Variants in IQCB1 observed in about 807,000 individuals in gnomAD.
IQCB1 encodes IQ motif containing B1, also known as IQ calmodulin-binding motif-containing protein 1.
Under a neutral mutation model 84.4 loss-of-function variants are expected in IQCB1, and 56 were observed. That is an observed-to-expected ratio of 0.66 (90% CI 0.54 to 0.83). The LOEUF (loss-of-function observed/expected upper bound fraction) is 0.83. Ranked by LOEUF, IQCB1 falls within the 40% of genes least tolerant of loss-of-function variation. The pLI is 0.00. For synonymous variants in IQCB1, 210 were observed against 234.8 expected, an observed-to-expected ratio of 0.89 and a Z score of 0.96; for missense variants, 629 against 682.1, an observed-to-expected ratio of 0.92 and a Z score of 0.87.
In IQCB1 at chr3:121,770,447, C is replaced by A; in HGVS notation, c.1695G>T (p.Trp565Cys). Residue 565 changes from tryptophan (W) to cysteine (C), a missense_variant, in exon 15 of 15, where the codon TGG becomes TGT. Trp to Cys is a radical substitution (Grantham distance 215, BLOSUM62 -2). Transcript: ENST00000310864. ...TTLKHIQAPW[W>C]KKLGEESGDE... ...CTCCAGATTCTTCTCCAAGCTTCTT[C>A]CACCAGGGTGCTTGTATGTGCTTCA... 6.2e-7 allele frequency: 1 copy of A among 1,614,226 alleles called. No individual in the cohort carries two copies. Among genetic ancestry groups the A allele is most frequent in the Non-Finnish European group, 8.5e-7 (1 of 1,180,016 alleles).
At chr3:121,781,662 C>CACA (rs1553709090) in intron 13 of IQCB1, 81 bp downstream of exon 13, 1 of 919,230 alleles carries the variant, frequency 1.1e-6, no homozygotes, top group Non-Finnish European at 1.6e-6. Context: ...CACACACACA[C>CACA]AATATATGTG....
At chr3:121,819,934 A>C (rs1950216859) in intron 5 of IQCB1, among the ~76,000 whole-genome samples, 1 of 152,140 alleles carries the variant, frequency 6.6e-6, no homozygotes, top group Non-Finnish European at 1.5e-5. Flanking sequence ...GAATATTTAT[A>C]CTTGGAGCAG....
At chr3:121,816,795 A>G (rs1375184757) in intron 5 of IQCB1, among the ~76,000 whole-genome samples, 1 of 152,200 alleles carries the variant, frequency 6.6e-6, no homozygotes, top group Non-Finnish European at 1.5e-5. Context: ...AGAAATAGGA[A>G]CGCTTTTACA....
rs553280647 is a variant in IQCB1 at position 121,791,092 on chromosome 3, A to C, written c.987-877T>G. Among the ~76,000 whole-genome samples, 3 of 152,324 alleles carry C rather than the reference A, an allele frequency of 2.0e-5. No individual in the cohort carries two copies. The East Asian group carries it at 5.8e-4, about 29-fold the overall frequency. ...GTAAATATACTCAAAATGCTTTCAG[A>C]CACCCACAGAAAAAGAAAACGAGGA... is the stretch of plus-strand genomic sequence containing the variant. On this transcript the variant is annotated intron_variant, in intron 10 of 14. Coordinates refer to ENST00000310864, the MANE Select transcript of IQCB1 (RefSeq NM_001023570.4).
At chr3:121,805,721 T>C (rs923149323) in intron 7 of IQCB1, among the ~76,000 whole-genome samples, 1 of 152,186 alleles carries the variant, frequency 6.6e-6, no homozygotes, top group African/African-American at 2.4e-5. Context: ...TGTGAGCTCC[T>C]TGCACTGTTC....
At chr3:121,785,878 A>G (rs1303417615) in intron 12 of IQCB1, among the ~76,000 whole-genome samples, 1 of 151,744 alleles carries the variant, frequency 6.6e-6, no homozygotes, top group African/African-American at 2.4e-5. Flanking sequence ...TTAGAAAAGG[A>G]TACTTTTAGG....
chr3:121,808,874 C>T (rs1949711966), intron 6 of IQCB1, 42 bp downstream of exon 6: 1 of 1,190,398 alleles, frequency 8.4e-7, no homozygotes, highest in South Asian at 1.2e-5. Context: ...TAGCAGTTGA[C>T]TCTACAATAG....
At chr3:121,818,184 C>T (rs1402958757) in intron 5 of IQCB1, among the ~76,000 whole-genome samples, 1 of 152,168 alleles carries the variant, frequency 6.6e-6, no homozygotes, top group Non-Finnish European at 1.5e-5. Flanking sequence ...TACATATAGC[C>T]AAGAACTCTT....
At chr3:121,831,286 C>T (rs1165386929) in intron 2 of IQCB1, among the ~76,000 whole-genome samples, 1 of 151,056 alleles carries the variant, frequency 6.6e-6, no homozygotes, top group Admixed American at 6.7e-5. Context: ...GATTCTCCCA[C>T]CTCAGCCTCC....
intron 5 of IQCB1, among the ~76,000 whole-genome samples, chr3:121,825,061 CT>C (rs1553721684): frequency 6.4e-3 from 537 of 83,712 alleles, no homozygotes; most frequent in African/African-American, 8.8e-3. Context: ...TTTTTCTTTT[CT>C]TTTTTTTTTT....
intron 7 of IQCB1, among the ~76,000 whole-genome samples, chr3:121,802,601 T>C (rs1949445440): frequency 6.6e-6 from 1 of 152,140 alleles, no homozygotes; most frequent in Admixed American, 6.6e-5. Context: ...AAAACTTCAA[T>C]CTTCCCAAAG....
chr3:121,790,662 A>G (rs1948929809), intron 10 of IQCB1, among the ~76,000 whole-genome samples: 1 of 152,228 alleles, frequency 6.6e-6, no homozygotes, highest in Non-Finnish European at 1.5e-5. Flanking sequence ...TGAAAACATA[A>G]AATGTTCGAA....
chr3:121,776,888 GAT>G (rs1948253310), intron 13 of IQCB1, among the ~76,000 whole-genome samples: 1 of 152,128 alleles, frequency 6.6e-6, no homozygotes, highest in Non-Finnish European at 1.5e-5. Context: ...CTATATTATG[GAT>G]ATAGGACCTT....
In IQCB1 at chr3:121,802,458, T is replaced by C. The variant is rs75390548; in HGVS notation, c.588-3084A>G. ...TATTATTCCCTTGTGATATTTTTAGTATTTGTAGACTCTGTTACGATGTTA... is the reference window on the plus strand; with the variant it reads ...TATTATTCCCTTGTGATATTTTTAGCATTTGTAGACTCTGTTACGATGTTA... On this transcript the variant is annotated intron_variant, in intron 7 of 14. Coordinates refer to ENST00000310864, the MANE Select transcript of IQCB1 (RefSeq NM_001023570.4). 1.6e-4 allele frequency among the ~76,000 whole-genome samples: 25 copies of C among 152,254 alleles called. No individual in the cohort carries two copies. The East Asian group carries it at 4.8e-3, about 29-fold the overall frequency.
chr3:121,814,141 G>A (rs1250662018), intron 5 of IQCB1, among the ~76,000 whole-genome samples: 1 of 152,120 alleles, frequency 6.6e-6, no homozygotes, highest in Admixed American at 6.6e-5. Flanking sequence ...ACAATTACAT[G>A]GAAACGGCAC....
At chr3:121,779,157 C>A (rs891741940) in intron 13 of IQCB1, among the ~76,000 whole-genome samples, 2 of 152,018 alleles carry the variant, frequency 1.3e-5, no homozygotes, top group African/African-American at 4.8e-5. Flanking sequence ...TATTCCTTGG[C>A]ACAGTTTTTT....
At chr3:121,804,630 C>T (rs2108584510) in intron 7 of IQCB1, among the ~76,000 whole-genome samples, 1 of 152,080 alleles carries the variant, frequency 6.6e-6, no homozygotes, top group African/African-American at 2.4e-5. Flanking sequence ...TCTCTGGTTG[C>T]TTTTAAGATT....
intron 4 of IQCB1, 67 bp from the exon 5 acceptor site, chr3:121,826,247 CTG>C: frequency 6.6e-7 from 1 of 1,507,680 alleles, no homozygotes; most frequent in Non-Finnish European, 9.2e-7. Flanking sequence ...TCTAGAGACA[CTG>C]TGCCTTATTG....
intron 2 of IQCB1, among the ~76,000 whole-genome samples, chr3:121,831,421 T>C (rs915667545): frequency 5.9e-5 from 9 of 152,094 alleles, no homozygotes; most frequent in African/African-American, 1.4e-4. Context: ...CTGGAAAACA[T>C]GTTTCCCTCA....
Sources: gnomAD v4.1 joint callset for allele counts (sites outside exome capture counted in the v4.1 genomes callset) on GRCh38, gnomAD v4.1.1 for gene constraint, MANE v1.5 for transcripts, NCBI Gene and HGNC (gene_info 2026-07-23, HGNC 2026-07-21) for gene names.